Variants in TVP23C observed in about 807,000 individuals in gnomAD.
TVP23C encodes trans-golgi network vesicle protein 23 homolog C, also known as Golgi apparatus membrane protein TVP23 homolog C.
Under a neutral mutation model 28.7 loss-of-function variants are expected in TVP23C, and 19 were observed. That is an observed-to-expected ratio of 0.66 (90% CI 0.46 to 0.97). TVP23C has a LOEUF of 0.97. TVP23C is among the 50% of genes least tolerant of loss of function. The pLI is 0.00. For missense variants in TVP23C, 186 were observed against 241.3 expected (o/e 0.77, Z 1.52); for synonymous variants, 68 against 81.7 (o/e 0.83, Z 0.90).
chr17:15,558,672 G>T (rs1236899088), intron 1 of TVP23C, among the ~76,000 whole-genome samples: 3 of 148,070 alleles, frequency 2.0e-5, no homozygotes, highest in African/African-American at 7.3e-5. Flanking sequence ...ATGGGGAAGG[G>T]ATCCCAGGTG....
intron 3 of TVP23C, among the ~76,000 whole-genome samples, chr17:15,551,079 G>C (rs1185835504): frequency 6.6e-6 from 1 of 151,474 alleles, no homozygotes; most frequent in Non-Finnish European, 1.5e-5. Context: ...TGTTGCAGAA[G>C]ATACACGACT....
At chr17:15,557,222 T>C (rs1984171656) in intron 1 of TVP23C, among the ~76,000 whole-genome samples, 1 of 149,322 alleles carries the variant, frequency 6.7e-6, no homozygotes, top group Non-Finnish European at 1.5e-5. Context: ...TCTCAGAGTA[T>C]TCTTATTGCA....
Position 15,521,209 on chromosome 17 carries a change from A to C in TVP23C, c.463-17977T>G, listed in dbSNP as rs566759194. On this transcript the variant is annotated intron_variant, in intron 5 of 5. Coordinates refer to the TVP23C transcript ENST00000225576. ...TTGGTACTTAACAAGTTGATTATAA[A>C]ATTATTATAATCTGGCCAGGTGCGG... Among the ~76,000 whole-genome samples the C allele has an allele frequency of 3.3e-5, 5 of 152,176 alleles. No individual in the cohort carries two copies. The East Asian group carries it at 9.6e-4, about 29-fold the overall frequency.
At chr17:15,562,229 GT>G (rs1486427148) in intron 1 of TVP23C, 1 of 152,060 alleles carries the variant, frequency 6.6e-6, no homozygotes, top group Non-Finnish European at 1.5e-5. Context: ...GACTTTTTTT[GT>G]TTTGTTTGAG....
chr17:15,560,789 C>T (rs1281915254), intron 1 of TVP23C, among the ~76,000 whole-genome samples: 4 of 149,578 alleles, frequency 2.7e-5, no homozygotes, highest in Middle Eastern at 3.2e-3. Flanking sequence ...CTCCTGACCT[C>T]GTGATCCACC....
At chr17:15,517,012 C>A (rs955030103) in intron 5 of TVP23C, among the ~76,000 whole-genome samples, 2 of 152,156 alleles carry the variant, frequency 1.3e-5, no homozygotes, top group African/African-American at 4.8e-5. Context: ...GTGAGCAAGC[C>A]CCCCATCAGT....
intron 5 of TVP23C, among the ~76,000 whole-genome samples, chr17:15,519,896 C>T (rs1367279153): frequency 4.6e-5 from 7 of 152,164 alleles, no homozygotes; most frequent in African/African-American, 7.2e-5. Flanking sequence ...AGCGAGACTC[C>T]GTCTCAAACA....
At chr17:15,520,632 T>C (rs1290999717) in intron 5 of TVP23C, among the ~76,000 whole-genome samples, 1 of 151,928 alleles carries the variant, frequency 6.6e-6, no homozygotes, top group Non-Finnish European at 1.5e-5. Flanking sequence ...TGTTATCACA[T>C]TATGGCTGAA....
chr17:15,503,125 C>T (rs1228370009), exon 6 of TVP23C: 2 of 1,611,392 alleles, frequency 1.2e-6, no homozygotes, highest in Middle Eastern at 1.6e-4. Flanking sequence ...AGGGATGGCC[C>T]GGGCAGCGGC....
chr17:15,524,631 T>C (rs1982640992), intron 5 of TVP23C, among the ~76,000 whole-genome samples: 1 of 152,234 alleles, frequency 6.6e-6, no homozygotes, highest in South Asian at 2.1e-4. Context: ...TAACTTTTGA[T>C]AGATGTTTCC....
At chr17:15,527,368 T>C (rs969577002) in intron 5 of TVP23C, among the ~76,000 whole-genome samples, 2 of 152,148 alleles carry the variant, frequency 1.3e-5, no homozygotes, top group African/African-American at 4.8e-5. Context: ...AAAAATAAAA[T>C]GAAATCAGCA....
intron 1 of TVP23C, among the ~76,000 whole-genome samples, chr17:15,555,980 G>A (rs555230558): frequency 3.3e-5 from 5 of 152,284 alleles, no homozygotes; most frequent in East Asian, 1.9e-4. Flanking sequence ...ACAATGGCAC[G>A]ATCTTGGCTC....
Position 15,539,235 on chromosome 17 carries a change from A to G in TVP23C, c.*1177T>C. 1 of 984,356 alleles carries G rather than the reference A, an allele frequency of 1.0e-6. No individual in the cohort carries two copies. Among genetic ancestry groups the G allele is most frequent in the Non-Finnish European group, 1.2e-6 (1 of 828,984 alleles). 61.0% of individuals were successfully genotyped at this position (984,356 alleles called of 1,614,324 possible). On this transcript the variant is annotated 3_prime_UTR_variant, in exon 6 of 6. Coordinates refer to ENST00000518321, the MANE Select transcript of TVP23C (RefSeq NM_001135036.2). ...TCTAGGTGATTCTCATGTATGTTCGAGTTTAAGAATCCCTGTCCTACATAA... is the reference window on the plus strand; with the variant it reads ...TCTAGGTGATTCTCATGTATGTTCGGGTTTAAGAATCCCTGTCCTACATAA...
intron 5 of TVP23C, 127 bp from the exon 6 acceptor site, chr17:15,540,688 T>C (rs554222587): frequency 6.4e-5 from 39 of 610,724 alleles, no homozygotes; most frequent in Middle Eastern, 2.7e-4. Flanking sequence ...AAGCCATGAT[T>C]GTGCCAGTTG....
At chr17:15,534,138 T>TA, downstream of TVP23C, among the ~76,000 whole-genome samples, 1 of 152,002 alleles carries the variant, frequency 6.6e-6, no homozygotes, top group East Asian at 1.9e-4. Context: ...CCTTTCTCAT[T>TA]ATAAACAGGA....
At chr17:15,507,351 A>G (rs969984950) in intron 5 of TVP23C, 38 of 737,316 alleles carry the variant, frequency 5.2e-5, no homozygotes, top group African/African-American at 2.6e-4. Flanking sequence ...GACAACTCTA[A>G]TAAGTTTCAC....
intron 5 of TVP23C, among the ~76,000 whole-genome samples, chr17:15,542,499 C>T (rs776549100): frequency 8.6e-5 from 13 of 151,872 alleles, no homozygotes; most frequent in Admixed American, 2.6e-4. Context: ...TTTTTTGAGA[C>T]GGAGTCTCGC....
At chr17:15,544,645 A>T (rs536663473) in intron 5 of TVP23C, among the ~76,000 whole-genome samples, 1 of 152,226 alleles carries the variant, frequency 6.6e-6, no homozygotes, top group East Asian at 1.9e-4. Context: ...ATATTAGCGT[A>T]AAGTTTCCCA....
intron 5 of TVP23C, among the ~76,000 whole-genome samples, chr17:15,522,897 C>T (rs920632483): frequency 2.6e-5 from 4 of 152,008 alleles, no homozygotes; most frequent in Admixed American, 2.0e-4. Flanking sequence ...CACAAATTAG[C>T]CAGGCATGGT....
Sources: gnomAD v4.1 joint callset for allele counts (sites outside exome capture counted in the v4.1 genomes callset) on GRCh38, gnomAD v4.1.1 for gene constraint, MANE v1.5 for transcripts, NCBI Gene and HGNC (gene_info 2026-07-23, HGNC 2026-07-21) for gene names.